The following DNM3 variants were observed in gnomAD, a reference collection of about 807,000 sequenced individuals.
DNM3 encodes dynamin 3.
In DNM3, 47 loss-of-function variants were observed where a neutral mutation model predicts 101.6. That is an observed-to-expected ratio of 0.46 (90% CI 0.37 to 0.59). The LOEUF is 0.59. Ranked by LOEUF, DNM3 falls within the 20% of genes least tolerant of loss-of-function variation. The probability of loss-of-function intolerance (pLI) is 0.00; values close to 1 mark genes in which losing one functional copy is unlikely to be tolerated. For synonymous variants in DNM3, 385 were observed against 387.9 expected (o/e 0.99, Z 0.09); for missense variants, 849 against 1,085.7 (o/e 0.78, Z 3.06).
chr1:172,084,509 G>A (rs955512750), intron 12 of DNM3, among the ~76,000 whole-genome samples: 8 of 152,028 alleles, frequency 5.3e-5, no homozygotes, highest in East Asian at 1.9e-4. Flanking sequence ...TTTGTATGTC[G>A]ACTTGGAATT....
chr1:171,903,247 AATAAG>A (rs1558240144), intron 1 of DNM3, among the ~76,000 whole-genome samples: 1 of 152,158 alleles, frequency 6.6e-6, no homozygotes, highest in Non-Finnish European at 1.5e-5. Flanking sequence ...AATTGAGAGA[AATAAG>A]ATAAAAGTGT....
intron 14 of DNM3, among the ~76,000 whole-genome samples, chr1:172,202,114 T>C (rs1477652733): frequency 6.6e-6 from 1 of 152,156 alleles, no homozygotes; most frequent in African/African-American, 2.4e-5. Context: ...TTGAAGTTGT[T>C]GTATTTACTT....
intron 8 of DNM3, among the ~76,000 whole-genome samples, chr1:172,043,953 G>A (rs897138092): frequency 6.6e-6 from 1 of 152,160 alleles, no homozygotes; most frequent in Non-Finnish European, 1.5e-5. Context: ...TAACTCAAAT[G>A]ATTTAAGTGG....
intron 14 of DNM3, among the ~76,000 whole-genome samples, chr1:172,220,212 T>A (rs2060857047): frequency 1.3e-5 from 2 of 152,188 alleles, no homozygotes; most frequent in African/African-American, 2.4e-5. Flanking sequence ...CTGTGGTATC[T>A]CTTCAAACAC....
At chr1:171,911,273 CTTTTTTTT>C (rs151321245) in intron 1 of DNM3, among the ~76,000 whole-genome samples, 4 of 90,752 alleles carry the variant, frequency 4.4e-5, no homozygotes, top group African/African-American at 1.7e-4. Flanking sequence ...ACCCCAACAT[CTTTTTTTT>C]TTTTTTTTTT....
intron 15 of DNM3, among the ~76,000 whole-genome samples, chr1:172,296,360 G>T (rs894872413): frequency 9.9e-5 from 15 of 152,244 alleles, no homozygotes; most frequent in South Asian, 2.1e-4. Context: ...TTTGATTGCA[G>T]GCTCAAAGGC....
chr1:172,111,061 G>A (rs752635729), intron 13 of DNM3, among the ~76,000 whole-genome samples: 2 of 152,138 alleles, frequency 1.3e-5, no homozygotes, highest in East Asian at 1.9e-4. Context: ...AATTAAATAC[G>A]TGTAGCTCTG....
At chr1:171,927,880 A>C (rs1269053608) in intron 2 of DNM3, among the ~76,000 whole-genome samples, 1 of 152,098 alleles carries the variant, frequency 6.6e-6, no homozygotes, top group African/African-American at 2.4e-5. Context: ...CATGTTGGAG[A>C]ACTGGTGTGA....
intron 15 of DNM3, among the ~76,000 whole-genome samples, chr1:172,284,450 C>CT (rs1231962263): frequency 2.0e-5 from 3 of 151,900 alleles, no homozygotes; most frequent in Non-Finnish European, 2.9e-5. Flanking sequence ...ATTTACCATC[C>CT]TTTTTTTTCT....
intron 2 of DNM3, among the ~76,000 whole-genome samples, chr1:171,974,131 A>T (rs1021010674): frequency 6.6e-5 from 10 of 152,184 alleles, no homozygotes; most frequent in African/African-American, 2.4e-4. Flanking sequence ...GATGCTGCAG[A>T]TATTTTGGAT....
chr1:171,982,872 C>T (rs2044913578), intron 2 of DNM3, among the ~76,000 whole-genome samples: 1 of 152,040 alleles, frequency 6.6e-6, no homozygotes, highest in African/African-American at 2.4e-5. Flanking sequence ...CACAGGTTCC[C>T]ACCACCATCA....
rs74124060 is a variant in DNM3, at chr1:172,338,216, G to A, written c.1893+14876G>A. On this transcript the variant is annotated intron_variant, in intron 17 of 20. Coordinates refer to ENST00000627582, the MANE Select transcript of DNM3 (RefSeq NM_015569.5). Reference sequence around the variant, plus strand: ...AGGCGTGAGCCACTGCACCCCGCCTGGGAGTATTCATTTTAAACAAACTGC... The same window carrying A: ...AGGCGTGAGCCACTGCACCCCGCCTAGGAGTATTCATTTTAAACAAACTGC... 3.2e-3 allele frequency among the ~76,000 whole-genome samples: 492 copies of A among 152,158 alleles called. 3 individuals carry two copies. Among genetic ancestry groups the A allele is most frequent in the African/African-American group, 0.01 (420 of 41,538 alleles).
chr1:171,878,312 T>C (rs1455610057), intron 1 of DNM3, among the ~76,000 whole-genome samples: 1 of 152,024 alleles, frequency 6.6e-6, no homozygotes, highest in African/African-American at 2.4e-5. Context: ...TTCTGTTGTA[T>C]CTCTCCATGG....
At chr1:172,336,856 G>A (rs1447559984) in intron 17 of DNM3, among the ~76,000 whole-genome samples, 2 of 152,164 alleles carry the variant, frequency 1.3e-5, no homozygotes, top group Non-Finnish European at 2.9e-5. Context: ...GGGTGACTTT[G>A]TGCAAGTGAC....
chr1:172,257,877 A>AAC (rs56955112), intron 15 of DNM3, among the ~76,000 whole-genome samples: 10,094 of 145,136 alleles, frequency 0.07, 497 homozygotes, highest in East Asian at 0.16. Flanking sequence ...AACCCCCACC[A>AAC]ACACACACAC....
chr1:172,312,003 T>C (rs922500933), intron 16 of DNM3, among the ~76,000 whole-genome samples: 1 of 152,230 alleles, frequency 6.6e-6, no homozygotes, highest in African/African-American at 2.4e-5. Flanking sequence ...TATTACATAA[T>C]TGCTTGACTT....
At chr1:172,052,375 C>T (rs1039983416) in intron 10 of DNM3, among the ~76,000 whole-genome samples, 1 of 152,148 alleles carries the variant, frequency 6.6e-6, no homozygotes, top group Non-Finnish European at 1.5e-5. Flanking sequence ...AAAAAATCAA[C>T]ATATAAATAT....
At chr1:172,249,815 ATC>A (rs2062099787) in intron 14 of DNM3, among the ~76,000 whole-genome samples, 1 of 152,192 alleles carries the variant, frequency 6.6e-6, no homozygotes, top group Non-Finnish European at 1.5e-5. Context: ...ATAGAATATT[ATC>A]TGTTAGTCTG....
intron 15 of DNM3, among the ~76,000 whole-genome samples, chr1:172,306,750 A>AGGTT (rs2064837068): frequency 6.6e-6 from 1 of 152,222 alleles, no homozygotes; most frequent in Non-Finnish European, 1.5e-5. Flanking sequence ...TCTCTTTGAC[A>AGGTT]AACCTGACCA....
Sources: allele counts gnomAD v4.1 joint callset (sites outside exome capture counted in the v4.1 genomes callset), GRCh38; gene constraint gnomAD v4.1.1; transcripts MANE v1.5; gene names NCBI Gene and HGNC (gene_info 2026-07-23, HGNC 2026-07-21).